Variants in FSTL5 observed in about 807,000 individuals in gnomAD.
FSTL5 encodes follistatin like 5, also known as follistatin-related protein 5.
FSTL5 carries 62 observed loss-of-function variants against 89.1 expected under a neutral mutation model. That is an observed-to-expected ratio of 0.70 (90% CI 0.57 to 0.86). The LOEUF (loss-of-function observed/expected upper bound fraction) is 0.86. FSTL5 is among the 40% of genes least tolerant of loss of function. The pLI is 0.00. For missense variants in FSTL5, 1,057 were observed against 1,001.6 expected, an observed-to-expected ratio of 1.06 and a Z score of -0.75; for synonymous variants, 383 against 346.2, an observed-to-expected ratio of 1.11 and a Z score of -1.18.
At chr4:161,455,488 C>T (rs1733322895) in intron 14 of FSTL5, among the ~76,000 whole-genome samples, 1 of 152,044 alleles carries the variant, frequency 6.6e-6, no homozygotes, top group South Asian at 2.1e-4. Context: ...AGGACAAAAT[C>T]CCTCCAGTAT....
At chr4:161,694,476 T>C (rs192581868) in intron 6 of FSTL5, among the ~76,000 whole-genome samples, 3 of 152,240 alleles carry the variant, frequency 2.0e-5, no homozygotes, top group East Asian at 1.9e-4. Context: ...CTGTTTGTTA[T>C]TGATATTCTC....
Position 161,418,792 on chromosome 4 carries a change from T to C in FSTL5, c.1842-32343A>G, listed in dbSNP as rs73860616. ...GACTTACTGTACTGAAAAATATTAG[T>C]CAGATAAAGACAGGACAAAACCCAT... On this transcript the variant is annotated intron_variant, in intron 15 of 15. Transcript: ENST00000306100. Among the ~76,000 whole-genome samples the C allele has an allele frequency of 3.6e-3, 555 of 152,220 alleles. 3 individuals are homozygous for C. Among genetic ancestry groups the C allele is most frequent in the African/African-American group, 0.013 (538 of 41,538 alleles).
intron 2 of FSTL5, among the ~76,000 whole-genome samples, chr4:162,106,945 G>A (rs1731247980): frequency 6.6e-6 from 1 of 152,170 alleles, no homozygotes; most frequent in South Asian, 2.1e-4. Context: ...AGAAAAAAGA[G>A]AGTTCTGGAA....
intron 3 of FSTL5, among the ~76,000 whole-genome samples, chr4:161,923,169 C>T (rs184071876): frequency 1.3e-5 from 2 of 151,968 alleles, no homozygotes; most frequent in African/African-American, 4.8e-5. Context: ...ATTTACTTTG[C>T]TTCTATGTTT....
At chr4:161,899,180 T>A (rs999197309) in intron 4 of FSTL5, among the ~76,000 whole-genome samples, 1 of 152,092 alleles carries the variant, frequency 6.6e-6, no homozygotes, top group African/African-American at 2.4e-5. Context: ...CAGAATTTGT[T>A]TGAAAAAGAA....
chr4:161,542,479 G>T, intron 9 of FSTL5, 53 bp downstream of exon 9: 1 of 1,152,940 alleles, frequency 8.7e-7, no homozygotes, highest in South Asian at 2.7e-5. Context: ...ATAAATTTTA[G>T]TATAAATTTT....
At chr4:161,465,943 G>T (rs963127487) in intron 13 of FSTL5, among the ~76,000 whole-genome samples, 1 of 152,028 alleles carries the variant, frequency 6.6e-6, no homozygotes, top group African/African-American at 2.4e-5. Context: ...TTTTAAAATT[G>T]TACTCAATTA....
intron 7 of FSTL5, among the ~76,000 whole-genome samples, chr4:161,653,387 T>A (rs554831777): frequency 6.6e-6 from 1 of 152,302 alleles, no homozygotes; most frequent in Admixed American, 6.5e-5. Context: ...ATTTTCCTGT[T>A]CTTATTCATG....
chr4:161,904,092 G>A (rs1479437989), intron 4 of FSTL5, among the ~76,000 whole-genome samples: 2 of 151,390 alleles, frequency 1.3e-5, no homozygotes, highest in Non-Finnish European at 2.9e-5. Flanking sequence ...TTTTTTCTAT[G>A]GACTCAAATT....
At chr4:162,112,777 A>ACACC (rs1474400513) in intron 1 of FSTL5, among the ~76,000 whole-genome samples, 5 of 54,524 alleles carry the variant, frequency 9.2e-5, no homozygotes, top group African/African-American at 1.6e-4. Context: ...CGACACAATC[A>ACACC]CACACACACA....
At chr4:161,546,602 A>G (rs1455748170) in intron 8 of FSTL5, among the ~76,000 whole-genome samples, 1 of 151,876 alleles carries the variant, frequency 6.6e-6, no homozygotes, top group Non-Finnish European at 1.5e-5. Context: ...CTTTATGCCA[A>G]CACGTAACTT....
rs568947929 is a variant in FSTL5, at chr4:161,463,926, A to G, written c.1609-4607T>C. Among the ~76,000 whole-genome samples, 28 of 152,238 alleles carry G rather than the reference A, an allele frequency of 1.8e-4. 2 individuals carry two copies. In the South Asian group the frequency reaches 5.6e-3, roughly 30 times the overall value. On this transcript the variant is annotated intron_variant, in intron 13 of 15. Transcript: ENST00000306100. The stretch of plus-strand genomic sequence containing the variant: ...CCCCATGAACACAGTCACCATTATC[A>G]TTATCACATGGTGTCTAACTTCTTA...
At chr4:161,620,136 C>G (rs1225822004) in intron 7 of FSTL5, among the ~76,000 whole-genome samples, 1 of 134,032 alleles carries the variant, frequency 7.5e-6, no homozygotes, top group East Asian at 2.2e-4. Context: ...GGGAATTGAA[C>G]AATGAGATCA....
intron 6 of FSTL5, among the ~76,000 whole-genome samples, chr4:161,672,502 C>T (rs1210126223): frequency 2.6e-5 from 4 of 151,904 alleles, no homozygotes. Context: ...CCAAATTTTG[C>T]ATTTCTCCAA....
intron 3 of FSTL5, among the ~76,000 whole-genome samples, chr4:161,973,868 C>T (rs1735555891): frequency 1.3e-5 from 2 of 152,168 alleles, no homozygotes; most frequent in Non-Finnish European, 2.9e-5. Flanking sequence ...CCCATTGTCT[C>T]AGCCCAAAAT....
At chr4:161,800,062 C>T (rs1432131631) in intron 4 of FSTL5, among the ~76,000 whole-genome samples, 1 of 151,568 alleles carries the variant, frequency 6.6e-6, no homozygotes, top group Non-Finnish European at 1.5e-5. Context: ...TCTCTTAAGG[C>T]ACTAATTATA....
chr4:161,740,393 T>C (rs886680804), intron 6 of FSTL5, among the ~76,000 whole-genome samples: 1 of 152,128 alleles, frequency 6.6e-6, no homozygotes, highest in African/African-American at 2.4e-5. Context: ...AAGGAGAATT[T>C]TTATATACTA....
At chr4:161,810,954 A>G (rs987378340) in intron 4 of FSTL5, among the ~76,000 whole-genome samples, 1 of 152,182 alleles carries the variant, frequency 6.6e-6, no homozygotes, top group Admixed American at 6.5e-5. Flanking sequence ...TCACAAAGTA[A>G]CTATGCGTCA....
chr4:162,029,482 A>G (rs554426541), intron 3 of FSTL5, among the ~76,000 whole-genome samples: 59 of 152,236 alleles, frequency 3.9e-4, no homozygotes, highest in Admixed American at 9.8e-4. Flanking sequence ...AGAATATCTT[A>G]TATGTAAAGG....
Sources: allele counts gnomAD v4.1 joint callset (sites outside exome capture counted in the v4.1 genomes callset), GRCh38; gene constraint gnomAD v4.1.1; transcripts MANE v1.5; gene names NCBI Gene and HGNC (gene_info 2026-07-23, HGNC 2026-07-21).